ZNF679: variants seen among roughly 807,000 people sequenced by gnomAD.
The protein encoded by ZNF679 is hypothetical protein MGC42415.
ZNF679 carries 10 observed loss-of-function variants against 13.4 expected under a neutral mutation model. That is an observed-to-expected ratio of 0.75 (90% CI 0.46 to 1.27). The LOEUF (loss-of-function observed/expected upper bound fraction) is 1.27, where lower values mean the gene tolerates loss of function less well. Ranked by LOEUF, ZNF679 falls within the 50% of genes most tolerant of loss-of-function variation. The pLI, the probability that ZNF679 is intolerant of heterozygous loss-of-function variation, is 0.00. For missense variants in ZNF679, 525 were observed against 477.8 expected (o/e 1.10, Z -0.92); for synonymous variants, 179 against 162.5 (o/e 1.10, Z -0.77).
chr7:64,266,091 A>G lies in ZNF679; in HGVS notation c.458A>G (p.Asn153Ser), dbSNP rs1047943106. ...EVNQCLSTTQNKIFQTHKCVK... is the reference protein window; with the variant it reads ...EVNQCLSTTQSKIFQTHKCVK... ...AACCAATGTTTGTCAACTACCCAAA[A>G]CAAAATATTTCAGACTCATAAATGT... is the stretch of plus-strand genomic sequence containing the variant. The change falls in exon 5 of 5, where the codon AAC becomes AGC. Residue 153 changes from asparagine to serine, a missense_variant. Asn to Ser is a conservative substitution (Grantham distance 46). Coordinates refer to ENST00000421025, the MANE Select transcript of ZNF679 (RefSeq NM_153363.3). 40 of 1,612,860 alleles carry G rather than the reference A, an allele frequency of 2.5e-5. No individual in the cohort carries two copies. The highest frequency in any genetic ancestry group is 3.1e-5 in the Non-Finnish European group (37 of 1,179,442).
At chr7:64,245,255 C>T (rs967792998) in intron 1 of ZNF679, among the ~76,000 whole-genome samples, 1 of 152,122 alleles carries the variant, frequency 6.6e-6, no homozygotes, top group Non-Finnish European at 1.5e-5. Context: ...TGAACCCCCC[C>T]ACTCAGGTGA....
chr7:64,244,377 C>A (rs1787839023), intron 1 of ZNF679, among the ~76,000 whole-genome samples: 1 of 152,008 alleles, frequency 6.6e-6, no homozygotes, highest in Admixed American at 6.6e-5. Flanking sequence ...GACTTTTGAA[C>A]TTTACTAACA....
At chr7:64,258,024 C>T (rs569863835) in intron 2 of ZNF679, among the ~76,000 whole-genome samples, 1 of 152,158 alleles carries the variant, frequency 6.6e-6, no homozygotes, top group Non-Finnish European at 1.5e-5. Flanking sequence ...CAAAGGAAGG[C>T]TGCACTGCCT....
chr7:64,239,798 T>A (rs1049184150), intron 1 of ZNF679, among the ~76,000 whole-genome samples: 1 of 152,190 alleles, frequency 6.6e-6, no homozygotes, highest in Non-Finnish European at 1.5e-5. Context: ...CTAGGACGTG[T>A]GCACAGGGGG....
intron 1 of ZNF679, among the ~76,000 whole-genome samples, chr7:64,233,253 C>CAAAAAAAA (rs71060564): frequency 1.6e-5 from 2 of 126,250 alleles, no homozygotes; most frequent in Non-Finnish European, 1.7e-5. Flanking sequence ...AACAAATAAA[C>CAAAAAAAA]AAAAAAAAAA....
chr7:64,261,973 C>T (rs879346159), intron 4 of ZNF679, among the ~76,000 whole-genome samples: 32 of 151,614 alleles, frequency 2.1e-4, no homozygotes, highest in Non-Finnish European at 4.3e-4. Context: ...TCTCCTGCCT[C>T]AGCCTCCTGA....
intron 1 of ZNF679, among the ~76,000 whole-genome samples, chr7:64,236,154 A>C (rs1787708771): frequency 6.6e-6 from 1 of 151,800 alleles, no homozygotes; most frequent in Non-Finnish European, 1.5e-5. Context: ...AATCCCAGCT[A>C]CTCAGGAGGC....
intron 1 of ZNF679, among the ~76,000 whole-genome samples, chr7:64,238,300 A>G (rs1787753197): frequency 6.6e-6 from 1 of 151,838 alleles, no homozygotes; most frequent in Admixed American, 6.6e-5. Flanking sequence ...CTTCTTTCTA[A>G]TCTTTCTTGC....
chr7:64,253,789 T>G (rs1787970801), intron 2 of ZNF679, among the ~76,000 whole-genome samples: 1 of 152,114 alleles, frequency 6.6e-6, no homozygotes, highest in Non-Finnish European at 1.5e-5. Context: ...TCAGAGAATG[T>G]TTTACCCTGA....
chr7:64,233,795 T>C (rs1300216141), intron 1 of ZNF679, among the ~76,000 whole-genome samples: 1 of 152,102 alleles, frequency 6.6e-6, no homozygotes, highest in Non-Finnish European at 1.5e-5. Context: ...AGCAAAGCCT[T>C]AGCCAAATCA....
At position 64,230,489 on chromosome 7, in the gene ZNF679, C is replaced by T. The variant is rs1449337069; in HGVS notation, c.-91+1837C>T. ...CGGAGCTTGCAGTGAGCCGAGATTG[C>T]GCCACTGCAGTCCGCAGTCTGGCCT... On this transcript the variant is annotated intron_variant, in intron 1 of 4. Transcript: ENST00000421025. Among the ~76,000 whole-genome samples, 5 of 149,664 alleles carry T rather than the reference C, an allele frequency of 3.3e-5. No homozygotes were observed. The East Asian group carries it at 6.0e-4, about 18-fold the overall frequency.
At chr7:64,235,955 A>G (rs1037776412) in intron 1 of ZNF679, among the ~76,000 whole-genome samples, 2 of 151,968 alleles carry the variant, frequency 1.3e-5, no homozygotes, top group Admixed American at 6.6e-5. Context: ...GTATCTAAAT[A>G]AAAAAAATTT....
chr7:64,235,382 A>G (rs1388547147), intron 1 of ZNF679, among the ~76,000 whole-genome samples: 1 of 152,006 alleles, frequency 6.6e-6, no homozygotes, highest in Non-Finnish European at 1.5e-5. Context: ...ACATAAATTT[A>G]TAGTGCTATA....
At chr7:64,238,897 C>T (rs1010652574) in intron 1 of ZNF679, among the ~76,000 whole-genome samples, 27 of 152,094 alleles carry the variant, frequency 1.8e-4, no homozygotes, top group Admixed American at 8.5e-4. Flanking sequence ...AGGCATTACA[C>T]GTAGGCCCAG....
intron 2 of ZNF679, among the ~76,000 whole-genome samples, chr7:64,251,684 G>A (rs955218360): frequency 1.3e-5 from 2 of 152,102 alleles, no homozygotes; most frequent in Admixed American, 1.3e-4. Flanking sequence ...GATACCCACC[G>A]TGACCATGTC....
At chr7:64,233,665 CAG>C (rs1164952507) in intron 1 of ZNF679, among the ~76,000 whole-genome samples, 4 of 152,112 alleles carry the variant, frequency 2.6e-5, no homozygotes, top group African/African-American at 9.7e-5. Context: ...CCATCCATAA[CAG>C]GGGAAGGTGG....
chr7:64,234,882 G>A (rs1187216091), intron 1 of ZNF679, among the ~76,000 whole-genome samples: 1 of 152,096 alleles, frequency 6.6e-6, no homozygotes, highest in African/African-American at 2.4e-5. Context: ...CTGTCACCCA[G>A]GCTGGGGTGC....
Position 64,254,687 on chromosome 7 carries a change from A to G in ZNF679, c.39+5531A>G, listed in dbSNP as rs574779354. Among the ~76,000 whole-genome samples the G allele has an allele frequency of 3.0e-4, 46 of 152,236 alleles. 1 individual carries two copies. The South Asian group carries it at 9.3e-3, about 31-fold the overall frequency. On this transcript the variant is annotated intron_variant, in intron 2 of 4. Transcript: ENST00000421025. ...AGTCCCCGGGATTTGTGACAGGCATATGCAGTAAGGGCAATATGATGAGAC... is the reference window on the plus strand; with the variant it reads ...AGTCCCCGGGATTTGTGACAGGCATGTGCAGTAAGGGCAATATGATGAGAC...
At chr7:64,239,201 T>C (rs1787763010) in intron 1 of ZNF679, among the ~76,000 whole-genome samples, 1 of 152,154 alleles carries the variant, frequency 6.6e-6, no homozygotes, top group Non-Finnish European at 1.5e-5. Context: ...GTGACTCTCA[T>C]ATACGGATCC....
Sources: allele counts gnomAD v4.1 joint callset (sites outside exome capture counted in the v4.1 genomes callset), GRCh38; gene constraint gnomAD v4.1.1; transcripts MANE v1.5; gene names NCBI Gene and HGNC (gene_info 2026-07-23, HGNC 2026-07-21).